GATA4: variants seen among roughly 807,000 people sequenced by gnomAD.
GATA4 encodes the protein GATA binding protein 4, also known as transcription factor GATA-4.
A neutral mutation model predicts 37.9 loss-of-function variants in GATA4; 7 were observed. The ratio of observed to expected loss-of-function variants is 0.18; its 90% CI spans 0.11 to 0.35. GATA4 has a LOEUF of 0.35. Among genes scored for constraint, GATA4 ranks in the 10% least tolerant of loss-of-function variants. The probability of loss-of-function intolerance (pLI) is 1.00; values close to 1 mark genes in which losing one functional copy is unlikely to be tolerated. For synonymous variants in GATA4, 372 were observed against 292.6 expected (o/e 1.27, Z -2.77); for missense variants, 647 against 653.0 (o/e 0.99, Z 0.10).
intron 2 of GATA4, among the ~76,000 whole-genome samples, chr8:11,744,863 A>T (rs1487639789): frequency 6.6e-6 from 1 of 152,114 alleles, no homozygotes; most frequent in Non-Finnish European, 1.5e-5. Flanking sequence ...TGGGAATTCC[A>T]CACTTTCTGC....
At chr8:11,720,551 A>G (rs766796349) in intron 2 of GATA4, among the ~76,000 whole-genome samples, 2 of 152,154 alleles carry the variant, frequency 1.3e-5, no homozygotes, top group African/African-American at 2.4e-5. Context: ...TCACCCAGGT[A>G]TTAAGCCCCA....
At chr8:11,747,159 C>T (rs1802072790) in intron 2 of GATA4, among the ~76,000 whole-genome samples, 1 of 152,234 alleles carries the variant, frequency 6.6e-6, no homozygotes, top group South Asian at 2.1e-4. Context: ...CCTCTGGCAG[C>T]AGCATAGGAA....
intron 1 of GATA4, among the ~76,000 whole-genome samples, chr8:11,693,548 C>CAGAGAGAG (rs1341477160): frequency 8.6e-6 from 1 of 115,928 alleles, no homozygotes; most frequent in Non-Finnish European, 1.8e-5. Flanking sequence ...CACACACACA[C>CAGAGAGAG]ACACACACAC....
At chr8:11,697,297 A>G (rs1799535765) in intron 1 of GATA4, among the ~76,000 whole-genome samples, 1 of 152,248 alleles carries the variant, frequency 6.6e-6, no homozygotes, top group African/African-American at 2.4e-5. Flanking sequence ...AGCCGCAAAG[A>G]AATGGAGTGG....
At chr8:11,695,460 G>A (rs1799477842) in intron 1 of GATA4, among the ~76,000 whole-genome samples, 1 of 152,044 alleles carries the variant, frequency 6.6e-6, no homozygotes, top group Admixed American at 6.5e-5. Flanking sequence ...TCTGCAGAAC[G>A]ATATCATCTT....
rs1139241 is a variant in GATA4, at chr8:11,708,427, G to A, written c.115G>A (p.Val39Met). Residue 39 changes from valine to methionine, a missense_variant, in exon 2 of 7, where the codon GTG becomes ATG. Val to Met is a conservative substitution (Grantham distance 21). Transcript: ENST00000532059. The surrounding 1 kb of genome is among the most constrained non-coding windows in gnomAD (Gnocchi z 6.7). ...GGGCGCCGCGTCCTCGCCAGTCTAC[G>A]TGCCCACACCGCGGGTGCCCTCCTC... Reference protein sequence around the residue: ...GAGAASSPVYVPTPRVPSSVL... With the variant: ...GAGAASSPVYMPTPRVPSSVL... 1.3e-6 allele frequency: 2 copies of A among 1,536,134 alleles called. No homozygotes were observed. Among genetic ancestry groups the A allele is most frequent in the South Asian group, 2.4e-5 (2 of 84,182 alleles).
chr8:11,733,423 A>G (rs1801302210), intron 2 of GATA4, among the ~76,000 whole-genome samples: 1 of 152,258 alleles, frequency 6.6e-6, no homozygotes, highest in Non-Finnish European at 1.5e-5. Flanking sequence ...CTGGCACGGA[A>G]GCTAAAGCAG....
chr8:11,696,798 AAGAC>A (rs1799522075), intron 1 of GATA4, among the ~76,000 whole-genome samples: 1 of 152,248 alleles, frequency 6.6e-6, no homozygotes, highest in Non-Finnish European at 1.5e-5. Context: ...AGGTGCAGCA[AAGAC>A]AGAGTGCTCA....
chr8:11,739,652 C>T (rs1801628237), intron 2 of GATA4, among the ~76,000 whole-genome samples: 2 of 149,166 alleles, frequency 1.3e-5, no homozygotes, highest in African/African-American at 2.5e-5. Context: ...CTGGGAGTGA[C>T]GCTGTCCCAT....
At chr8:11,727,731 C>CT (rs1305291829) in intron 2 of GATA4, among the ~76,000 whole-genome samples, 1 of 151,802 alleles carries the variant, frequency 6.6e-6, no homozygotes, top group African/African-American at 2.4e-5. Flanking sequence ...GTGGCCCCAG[C>CT]TAGGGAGGCT....
chr8:11,727,655 C>G (rs958595996), intron 2 of GATA4, among the ~76,000 whole-genome samples: 4 of 151,876 alleles, frequency 2.6e-5, no homozygotes, highest in African/African-American at 9.7e-5. Context: ...CCAGACTGGG[C>G]AACATGATGA....
At chr8:11,698,888 G>A (rs899223886) in intron 1 of GATA4, among the ~76,000 whole-genome samples, 1 of 152,080 alleles carries the variant, frequency 6.6e-6, no homozygotes, top group Non-Finnish European at 1.5e-5. Flanking sequence ...AAGCCACCAG[G>A]GAGATTTGTG....
intron 5 of GATA4, 66 bp from the exon 6 acceptor site, chr8:11,756,869 G>T (rs779068203): frequency 1.6e-5 from 25 of 1,609,114 alleles, no homozygotes; most frequent in Non-Finnish European, 2.0e-5. Context: ...CGGCTGTCTC[G>T]CAGGCTGCCG....
chr8:11,678,027 T>C (rs1226144059), intron 1 of GATA4, among the ~76,000 whole-genome samples: 6 of 128,220 alleles, frequency 4.7e-5, no homozygotes, highest in Admixed American at 1.5e-4. Flanking sequence ...ATAATAATAA[T>C]AATAATAATA....
intron 2 of GATA4, among the ~76,000 whole-genome samples, chr8:11,727,712 T>A (rs1801001318): frequency 6.6e-6 from 1 of 151,970 alleles, no homozygotes; most frequent in Admixed American, 6.6e-5. Context: ...AGTATGGTAG[T>A]GTCTGTCTGT....
intron 1 of GATA4, among the ~76,000 whole-genome samples, chr8:11,684,553 GT>G: frequency 6.6e-6 from 1 of 152,312 alleles, no homozygotes; most frequent in East Asian, 1.9e-4. Context: ...CAGTGTAAGA[GT>G]TTAGACTCCA....
intron 1 of GATA4, among the ~76,000 whole-genome samples, chr8:11,705,076 G>A (rs1049889493): frequency 2.6e-5 from 4 of 152,232 alleles, no homozygotes; most frequent in African/African-American, 7.2e-5. Context: ...GGGGGGTGCC[G>A]GGGTCGCGGA....
At chr8:11,680,906 G>A (rs1012851199) in intron 1 of GATA4, 4 of 985,254 alleles carry the variant, frequency 4.1e-6, no homozygotes, top group Non-Finnish European at 3.6e-6. Context: ...CCCCTAAAGA[G>A]GCCAAGGATC....
Position 11,756,754 on chromosome 8 carries a change from TA to T in GATA4, c.1001-180del, listed in dbSNP as rs111272281. On this transcript the variant is annotated intron_variant, in intron 5 of 6. Coordinates refer to ENST00000532059, the MANE Select transcript of GATA4 (RefSeq NM_001308093.3). ...GTGGCCTCAAGGGTTTGAGATGAGA[TA>T]GGGGGAAGAAGCCATCCCTGTGAGA... is the stretch of plus-strand genomic sequence containing the variant. 290,094 of 772,918 alleles carry T rather than the reference TA, an allele frequency of 0.38. 55,935 individuals are homozygous for T. The highest frequency in any genetic ancestry group is 0.44 in the Admixed American group (22,779 of 51,650). The allele number at this position is 772,918 out of a possible 1,614,324, so 47.9% of individuals were successfully genotyped here.
Sources: gnomAD v4.1 joint callset for allele counts (sites outside exome capture counted in the v4.1 genomes callset) on GRCh38, gnomAD v4.1.1 for gene constraint, Gnocchi (gnomAD v3.1) non-coding constraint, MANE v1.5 for transcripts, NCBI Gene and HGNC (gene_info 2026-07-23, HGNC 2026-07-21) for gene names.